Variants in EEPD1 observed in about 807,000 individuals in gnomAD.
EEPD1 encodes the protein endonuclease/exonuclease/phosphatase family domain containing 1.
A neutral mutation model predicts 46.3 loss-of-function variants in EEPD1; 17 were observed. That is an observed-to-expected ratio of 0.37 (90% confidence interval 0.25 to 0.55). The LOEUF is 0.55. EEPD1 is among the 20% of genes least tolerant of loss of function. The probability of loss-of-function intolerance (pLI) is 0.83; values close to 1 mark genes in which losing one functional copy is unlikely to be tolerated. For missense variants in EEPD1, 673 were observed against 745.6 expected (o/e 0.90, Z 1.13); for synonymous variants, 313 against 315.6 (o/e 0.99, Z 0.09).
intron 2 of EEPD1, among the ~76,000 whole-genome samples, chr7:36,156,902 T>C (rs1196723944): frequency 1.3e-5 from 2 of 152,166 alleles, no homozygotes; most frequent in African/African-American, 2.4e-5. Context: ...TGCAGAACTT[T>C]CCAGGTCTAG....
chr7:36,284,843 G>A (rs1484252635), intron 5 of EEPD1, 23 bp downstream of exon 5: 3 of 1,443,528 alleles, frequency 2.1e-6, no homozygotes, highest in Non-Finnish European at 2.7e-6. Context: ...CGCCGTCTGT[G>A]ACGTGGAATC....
At chr7:36,189,203 C>G (rs1477388996) in intron 2 of EEPD1, among the ~76,000 whole-genome samples, 1 of 148,866 alleles carries the variant, frequency 6.7e-6, no homozygotes, top group Non-Finnish European at 1.5e-5. Context: ...AGGGTACTAT[C>G]CAGCGCCTGA....
At position 36,197,306 on chromosome 7, in the gene EEPD1, C is replaced by G. The variant is rs1454816815; in HGVS notation, c.879-41679C>G. Reference sequence around the variant, plus strand: ...GAGGGAGGTGGGGGGGTCAGCCCCCCGCCCGGCCAGCCGCCCAGTCCAGGA... The same window carrying G: ...GAGGGAGGTGGGGGGGTCAGCCCCCGGCCCGGCCAGCCGCCCAGTCCAGGA... On this transcript the variant is annotated intron_variant, in intron 2 of 7. Transcript: ENST00000242108. 1.3e-4 allele frequency among the ~76,000 whole-genome samples: 20 copies of G among 150,626 alleles called. No individual in the cohort carries two copies. The South Asian group carries it at 4.2e-3, about 32-fold the overall frequency.
At chr7:36,163,400 G>T (rs751033476) in intron 2 of EEPD1, among the ~76,000 whole-genome samples, 1 of 152,066 alleles carries the variant, frequency 6.6e-6, no homozygotes, top group Non-Finnish European at 1.5e-5. Context: ...GGTGGTAGAG[G>T]TTGTGCTAGA....
At chr7:36,269,520 A>G (rs1484309415) in intron 3 of EEPD1, among the ~76,000 whole-genome samples, 1 of 152,110 alleles carries the variant, frequency 6.6e-6, no homozygotes, top group African/African-American at 2.4e-5. Flanking sequence ...CTTTCTGATC[A>G]TATGTTTTGA....
chr7:36,296,968 C>CT (rs1787535598), intron 6 of EEPD1, 25 bp from the exon 7 acceptor site: 2 of 1,611,510 alleles, frequency 1.2e-6, no homozygotes, highest in Non-Finnish European at 1.7e-6. Flanking sequence ...AACTCTTAAA[C>CT]TCATTTTCTT....
rs1784776500 is a variant in EEPD1, at chr7:36,154,273, A to C, written c.-52A>C. On this transcript the variant is annotated 5_prime_UTR_variant, in exon 2 of 8. Transcript: ENST00000242108. The surrounding 1 kb of genome is among the most constrained non-coding windows in gnomAD (Gnocchi z 4.2). ...CCTACTGGGCTTCCTCCCTAGCCAGAGAGCTCTTCTGCAGTGGTGCGGCCT... is the reference window on the plus strand; with the variant it reads ...CCTACTGGGCTTCCTCCCTAGCCAGCGAGCTCTTCTGCAGTGGTGCGGCCT... The C allele has an allele frequency of 6.4e-7, 1 of 1,551,604 alleles. No homozygotes were observed. The highest frequency in any genetic ancestry group is 8.7e-7 in the Non-Finnish European group (1 of 1,154,720).
intron 2 of EEPD1, among the ~76,000 whole-genome samples, chr7:36,230,102 T>C (rs1786296952): frequency 6.6e-6 from 1 of 152,012 alleles, no homozygotes; most frequent in Non-Finnish European, 1.5e-5. Flanking sequence ...AGGTGGAAAC[T>C]GGAGTAATGT....
intron 4 of EEPD1, 22 bp from the exon 5 acceptor site, chr7:36,284,664 T>A: frequency 6.2e-7 from 1 of 1,605,026 alleles, no homozygotes; most frequent in Non-Finnish European, 8.5e-7. Flanking sequence ...GCACCAAGAC[T>A]CTGTCTCCCT....
At position 36,193,912 on chromosome 7, in the gene EEPD1, A is replaced by G. The variant is rs896781761; in HGVS notation, c.878+38710A>G. ...ATTAGGCTGTGGACATAATGTGAGC[A>G]TCTTGAGAGTTCAGGAGCCTCTTAT... On this transcript the variant is annotated intron_variant, in intron 2 of 7. Coordinates refer to ENST00000242108, the MANE Select transcript of EEPD1 (RefSeq NM_030636.3). This position sits in a 1 kb window ranked among gnomAD's most constrained non-coding sequence, Gnocchi z 4.9. Among the ~76,000 whole-genome samples the G allele has an allele frequency of 2.0e-5, 3 of 152,186 alleles. No individual in the cohort carries two copies. The highest frequency in any genetic ancestry group is 7.2e-5 in the African/African-American group (3 of 41,432).
intron 2 of EEPD1, among the ~76,000 whole-genome samples, chr7:36,159,240 T>C (rs1784867862): frequency 6.6e-6 from 1 of 152,184 alleles, no homozygotes; most frequent in African/African-American, 2.4e-5. Context: ...CTTAAGTCAA[T>C]GTAGATTAGT....
chr7:36,240,230 CT>C (rs1786535265), intron 3 of EEPD1, among the ~76,000 whole-genome samples: 1 of 152,202 alleles, frequency 6.6e-6, no homozygotes, highest in Non-Finnish European at 1.5e-5. Context: ...GATCATGCCA[CT>C]GCACTCCAGC....
At position 36,175,993 on chromosome 7, in the gene EEPD1, G is replaced by C. The variant is rs189494841; in HGVS notation, c.878+20791G>C. ...GGAGAGCTGAGAGGCTGCAGGCTGTGGCGTGGGCCCTTTCAGCCCTGAGTG... is the reference window on the plus strand; with the variant it reads ...GGAGAGCTGAGAGGCTGCAGGCTGTCGCGTGGGCCCTTTCAGCCCTGAGTG... On this transcript the variant is annotated intron_variant, in intron 2 of 7. Coordinates refer to ENST00000242108, the MANE Select transcript of EEPD1 (RefSeq NM_030636.3). Among the ~76,000 whole-genome samples, 646 of 152,332 alleles carry C rather than the reference G, an allele frequency of 4.2e-3. 7 individuals carry two copies. Among genetic ancestry groups the C allele is most frequent in the African/African-American group, 0.015 (622 of 41,584 alleles).
At chr7:36,237,208 G>T (rs968973692) in intron 2 of EEPD1, among the ~76,000 whole-genome samples, 3 of 152,170 alleles carry the variant, frequency 2.0e-5, no homozygotes, top group Non-Finnish European at 4.4e-5. Flanking sequence ...CTCCGAACAC[G>T]TCCAAACATC....
intron 2 of EEPD1, among the ~76,000 whole-genome samples, chr7:36,171,282 T>G (rs1785075745): frequency 6.8e-6 from 1 of 146,912 alleles, no homozygotes; most frequent in South Asian, 2.2e-4. Flanking sequence ...CCTCAGATTT[T>G]CAAGGTATAC....
intron 2 of EEPD1, among the ~76,000 whole-genome samples, chr7:36,183,875 G>GTTTTTTTTTTTTTTT (rs35033256): frequency 9.6e-5 from 5 of 51,882 alleles, no homozygotes; most frequent in Non-Finnish European, 2.6e-4. Flanking sequence ...CCTAGCCCTC[G>GTTTTTTTTTTTTTTT]TTTTTTTTTT....
At chr7:36,276,205 T>C (rs1222452503) in intron 3 of EEPD1, among the ~76,000 whole-genome samples, 1 of 152,146 alleles carries the variant, frequency 6.6e-6, no homozygotes, top group African/African-American at 2.4e-5. Flanking sequence ...CATAAAGACC[T>C]TGCTGATAAA....
intron 2 of EEPD1, among the ~76,000 whole-genome samples, chr7:36,203,432 AC>A (rs1785751934): frequency 6.6e-6 from 1 of 152,082 alleles, no homozygotes; most frequent in South Asian, 2.1e-4. Context: ...CTAAATTAAC[AC>A]CTGCCCGGTT....
At chr7:36,197,229 C>T (rs1046045464) in intron 2 of EEPD1, among the ~76,000 whole-genome samples, 7 of 148,286 alleles carry the variant, frequency 4.7e-5, no homozygotes, top group Non-Finnish European at 6.0e-5. Context: ...CCACCCCGTC[C>T]GGGAGGGAGG....
Sources: allele counts gnomAD v4.1 joint callset (sites outside exome capture counted in the v4.1 genomes callset), GRCh38; gene constraint gnomAD v4.1.1; non-coding constraint Gnocchi (gnomAD v3.1); transcripts MANE v1.5; gene names NCBI Gene and HGNC (gene_info 2026-07-23, HGNC 2026-07-21).